Variants in OTOL1 observed in about 807,000 individuals in gnomAD.
OTOL1 encodes otolin-1.
In OTOL1, 31 loss-of-function variants were observed where a neutral mutation model predicts 25.0. That is an observed-to-expected ratio of 1.24 (90% CI 0.93 to 1.67). The LOEUF (loss-of-function observed/expected upper bound fraction) is 1.67. Among genes scored for constraint, OTOL1 ranks in the 40% most tolerant of loss-of-function variants. The probability of loss-of-function intolerance (pLI) is 0.00; values close to 1 mark genes in which losing one functional copy is unlikely to be tolerated. For missense variants in OTOL1, 654 were observed against 587.7 expected, an observed-to-expected ratio of 1.11 and a Z score of -1.17; for synonymous variants, 225 against 210.3, an observed-to-expected ratio of 1.07 and a Z score of -0.61.
chr3:161,502,518 G>A, intron 3 of OTOL1, 149 bp downstream of exon 3: 1 of 704,886 alleles, frequency 1.4e-6, no homozygotes, highest in East Asian at 2.8e-5. Flanking sequence ...CTGACTCAGT[G>A]AAGGAGAACC....
At chr3:161,497,308 A>C (rs1255939894) in intron 1 of OTOL1, 137 bp downstream of exon 1, 1 of 972,678 alleles carries the variant, frequency 1.0e-6, no homozygotes, top group African/African-American at 1.6e-5. Context: ...ACATTGTTAC[A>C]AATGTAAATG....
chr3:161,503,757 G>T lies in OTOL1; in HGVS notation c.1249G>T (p.Glu417Ter). The change falls in exon 4 of 4, where the codon GAA becomes TAA. Residue 417 changes from glutamate (E) to a stop codon, truncating the protein, a stop_gained. Coordinates refer to ENST00000327928, the MANE Select transcript of OTOL1 (RefSeq NM_001080440.1). LOFTEE classifies it high-confidence loss of function. ...GAATAAGAAGCAGTTCAAGTCCAGAGAAACTCTCTATGGTCAGGAAATAGA... is the reference window on the plus strand; with the variant it reads ...GAATAAGAAGCAGTTCAAGTCCAGATAAACTCTCTATGGTCAGGAAATAGA... ...AQNKKQFKSR[E>*]TLYGQEIDQA... 1 of 1,613,896 alleles carries T rather than the reference G, an allele frequency of 6.2e-7. No homozygotes were observed. Among genetic ancestry groups the T allele is most frequent in the Non-Finnish European group, 8.5e-7 (1 of 1,179,872 alleles).
Position 161,496,963 on chromosome 3 carries a change from A to G in OTOL1, c.156A>G (p.Pro52=). ...TAAAGCCATCCAGTGGCCCACCTCC[A>G]GAAGAAGAAGAAACCCTCTTCACAG... ...KGLKPSSGPP[P]EEEETLFTEM... is the part of the protein sequence containing the mutation. The change falls in exon 1 of 4, where the codon CCA becomes CCG. Residue 52 remains proline (P), a synonymous_variant. Coordinates refer to ENST00000327928, the MANE Select transcript of OTOL1 (RefSeq NM_001080440.1). 1 of 1,613,542 alleles carries G rather than the reference A, an allele frequency of 6.2e-7. No homozygotes were observed. Among genetic ancestry groups the G allele is most frequent in the Non-Finnish European group, 8.5e-7 (1 of 1,179,620 alleles).
rs1400920446 is a variant in OTOL1, at chr3:161,497,106, ATTG to A, written c.304_306del (p.Cys102del). 2.5e-6 allele frequency: 4 copies of A among 1,613,434 alleles called. No homozygotes were observed. The highest frequency in any genetic ancestry group is 3.4e-6 in the Non-Finnish European group (4 of 1,179,596). ...CTTGACCCAGCTGATTTCTTTTTGAATTGTTGTGATTGTTGTTCACCTGTACCC... is the reference window on the plus strand; with the variant it reads ...CTTGACCCAGCTGATTTCTTTTTGAATTGTGATTGTTGTTCACCTGTACCC... On this transcript the variant is annotated inframe_deletion, in exon 1 of 4. Transcript: ENST00000327928.
In OTOL1 at chr3:161,503,621, G is replaced by GA; in HGVS notation, c.1115dup (p.Asn372LysfsTer10). On this transcript the variant is annotated frameshift_variant, in exon 4 of 4. Transcript: ENST00000327928. LOFTEE classifies it high-confidence loss of function. ...AAAAGATTCTCTATAATGACCAAGG[G>GA]AATTACAGTCCTGTCACTGGGAAGT... The GA allele has an allele frequency of 6.2e-7, 1 of 1,613,768 alleles. No individual in the cohort carries two copies. The highest frequency in any genetic ancestry group is 8.5e-7 in the Non-Finnish European group (1 of 1,179,830).
rs1159511501 is a variant in OTOL1, at chr3:161,503,655, T to C, written c.1147T>C (p.Ser383Pro). The C allele has an allele frequency of 6.2e-7, 1 of 1,613,860 alleles. No individual in the cohort carries two copies. Among genetic ancestry groups the C allele is most frequent in the Non-Finnish European group, 8.5e-7 (1 of 1,179,848 alleles). ...TCCTGTCACTGGGAAGTTTAACTGC[T>C]CTATTCCTGGGACATATGTTTTTTC... ...YSPVTGKFNC[S>P]IPGTYVFSYH... The change falls in exon 4 of 4, where the codon TCT (serine) becomes CCT (proline). Residue 383 changes from serine (S) to proline (P), a missense_variant. Transcript: ENST00000327928.
At chr3:161,499,078 T>C (rs1358165604) in intron 1 of OTOL1, 93 bp from the exon 2 acceptor site, 4 of 923,032 alleles carry the variant, frequency 4.3e-6, no homozygotes, top group Admixed American at 4.4e-5. Context: ...TTGATACTTA[T>C]TGATTGCAGT....
At position 161,497,071 on chromosome 3, in the gene OTOL1, A is replaced by T. The variant is rs763236078; in HGVS notation, c.264A>T (p.Glu88Asp). The change falls in exon 1 of 4, where the codon GAA (glutamate) becomes GAT (aspartate). Residue 88 changes from glutamate to aspartate, a missense_variant. By Grantham distance (45) the Glu-to-Asp change is conservative. Transcript: ENST00000327928. ...GCACTGCCACTCTCTCTCCCTTTGAAAACTTCACTCTTGACCCAGCTGATT... is the reference window on the plus strand; with the variant it reads ...GCACTGCCACTCTCTCTCCCTTTGATAACTTCACTCTTGACCCAGCTGATT... ...VFGTATLSPF[E>D]NFTLDPADFF... is the part of the protein sequence containing the mutation. 2.5e-5 allele frequency: 41 copies of T among 1,613,554 alleles called. No individual in the cohort carries two copies. The East Asian group carries it at 8.5e-4, about 33-fold the overall frequency.
At chr3:161,502,572 TTC>T (rs1175189727) in intron 3 of OTOL1, among the ~76,000 whole-genome samples, 1 of 152,182 alleles carries the variant, frequency 6.6e-6, no homozygotes, top group African/African-American at 2.4e-5. Context: ...TGTGCTCTGC[TTC>T]TCTCTCTAGC....
chr3:161,500,436 G>A (rs1718947788), intron 2 of OTOL1, among the ~76,000 whole-genome samples: 2 of 152,068 alleles, frequency 1.3e-5, no homozygotes, highest in Non-Finnish European at 2.9e-5. Context: ...AATAAAATAA[G>A]GTTCTTAAGA....
At position 161,497,118 on chromosome 3, in the gene OTOL1, G is replaced by A. The variant is rs151230822; in HGVS notation, c.311G>A (p.Cys104Tyr). The A allele has an allele frequency of 6.2e-7, 1 of 1,613,392 alleles. No homozygotes were observed. Among genetic ancestry groups the A allele is most frequent in the African/African-American group, 1.3e-5 (1 of 74,864 alleles). The change falls in exon 1 of 4, where the codon TGT becomes TAT. Residue 104 changes from cysteine to tyrosine, a missense_variant. Cys to Tyr is a radical substitution (Grantham distance 194, BLOSUM62 -2). Transcript: ENST00000327928. ...GATTTCTTTTTGAATTGTTGTGATT[G>A]TTGTTCACCTGTACCCGGGCAGAAA... is the stretch of plus-strand genomic sequence containing the variant. Reference protein sequence around the residue: ...PADFFLNCCDCCSPVPGQKGE... With the variant: ...PADFFLNCCDYCSPVPGQKGE...
rs768807054 is a variant in OTOL1, at chr3:161,503,831, C to T, written c.1323C>T (p.Val441=). The T allele has an allele frequency of 1.8e-5, 29 of 1,613,802 alleles. No homozygotes were observed. The highest frequency in any genetic ancestry group is 2.2e-5 in the Non-Finnish European group (26 of 1,179,862). Reference sequence around the variant, plus strand: ...TGAAATTAAGTGCAGGAGACCAAGTCTGGCTTGAGGTGTCAAAAGATTGGA... The same window carrying T: ...TGAAATTAAGTGCAGGAGACCAAGTTTGGCTTGAGGTGTCAAAAGATTGGA... ...VILKLSAGDQ[V]WLEVSKDWNG... The change falls in exon 4 of 4, where the codon GTC becomes GTT. Residue 441 remains valine (V), a synonymous_variant. Transcript: ENST00000327928.
In OTOL1 at chr3:161,503,066, G is replaced by A. The variant is rs1326715093; in HGVS notation, c.558G>A (p.Leu186=). The change falls in exon 4 of 4, where the codon TTG becomes TTA. Residue 186 remains leucine, a synonymous_variant. Transcript: ENST00000327928. ...GPKGDKGNIG[L]GGVKGQKGSK... The stretch of plus-strand genomic sequence containing the variant: ...AGGGAGATAAAGGAAACATTGGTTT[G>A]GGAGGAGTGAAAGGACAAAAAGGCT... 1.4e-6 allele frequency: 2 copies of A among 1,386,328 alleles called. No individual in the cohort carries two copies. Among genetic ancestry groups the A allele is most frequent in the East Asian group, 2.5e-5 (1 of 39,506 alleles). 85.9% of individuals were successfully genotyped at this position (1,386,328 alleles called of 1,614,324 possible).
Position 161,500,359 on chromosome 3 carries a change from C to A in OTOL1, c.454+1099C>A, listed in dbSNP as rs150681790. ...TGTGAAATAAAGATGAGTGATGAAC[C>A]TCCCCAGTGATTCATACATTTTGGA... On this transcript the variant is annotated intron_variant, in intron 2 of 3. Transcript: ENST00000327928. Among the ~76,000 whole-genome samples the A allele has an allele frequency of 4.6e-3, 702 of 152,160 alleles. 5 individuals carry two copies. The highest frequency in any genetic ancestry group is 0.016 in the African/African-American group (647 of 41,518).
intron 1 of OTOL1, among the ~76,000 whole-genome samples, chr3:161,497,416 G>C (rs1718861669): frequency 6.6e-6 from 1 of 152,102 alleles, no homozygotes; most frequent in Non-Finnish European, 1.5e-5. Flanking sequence ...CACAGTTCAA[G>C]TGCTCAACAG....
Position 161,503,246 on chromosome 3 carries a change from T to C in OTOL1, c.738T>C (p.Asp246=). The change falls in exon 4 of 4, where the codon GAT becomes GAC. Residue 246 remains aspartate, a synonymous_variant. Transcript: ENST00000327928. ...GEMGDKGCCG[D]SGERGGKGQK... ...TGGGGGATAAGGGCTGCTGTGGAGA[T>C]TCTGGGGAGAGGGGAGGAAAAGGAC... 7.2e-7 allele frequency: 1 copy of C among 1,389,334 alleles called. No individual in the cohort carries two copies. The highest frequency in any genetic ancestry group is 9.4e-7 in the Non-Finnish European group (1 of 1,069,280). 86.1% of individuals were successfully genotyped at this position (1,389,334 alleles called of 1,614,324 possible).
At position 161,500,818 on chromosome 3, in the gene OTOL1, T is replaced by C. The variant is rs1444929211; in HGVS notation, c.455-1489T>C. Among the ~76,000 whole-genome samples the C allele has an allele frequency of 4.6e-5, 7 of 152,318 alleles. No homozygotes were observed. In the South Asian group the frequency reaches 1.2e-3, roughly 27 times the overall value. Reference sequence around the variant, plus strand: ...TTTAATTTCCAAATTTTGCATTTCATGCGGAGTGGTGTTGGGGTAGCTAGC... The same window carrying C: ...TTTAATTTCCAAATTTTGCATTTCACGCGGAGTGGTGTTGGGGTAGCTAGC... On this transcript the variant is annotated intron_variant, in intron 2 of 3. Transcript: ENST00000327928.
chr3:161,503,445 A>C lies in OTOL1; in HGVS notation c.937A>C (p.Ile313Leu), dbSNP rs1719028151. 1 of 1,613,588 alleles carries C rather than the reference A, an allele frequency of 6.2e-7. No homozygotes were observed. ...LLGPTGPKGD[I>L]GNKGVRGPTG... is the part of the protein sequence containing the mutation. ...GGGACCTACTGGGCCGAAGGGTGAC[A>C]TTGGCAACAAAGGGGTCCGAGGCCC... The change falls in exon 4 of 4, where the codon ATT becomes CTT. Residue 313 changes from isoleucine to leucine, a missense_variant. Coordinates refer to ENST00000327928, the MANE Select transcript of OTOL1 (RefSeq NM_001080440.1).
At chr3:161,500,725 G>T (rs1248505436) in intron 2 of OTOL1, among the ~76,000 whole-genome samples, 2 of 152,146 alleles carry the variant, frequency 1.3e-5, no homozygotes, top group African/African-American at 4.8e-5. Context: ...GAATACAATC[G>T]GCTCTTCCCT....
Sources: gnomAD v4.1 joint callset for allele counts (sites outside exome capture counted in the v4.1 genomes callset) on GRCh38, gnomAD v4.1.1 for gene constraint, MANE v1.5 for transcripts, NCBI Gene and HGNC (gene_info 2026-07-23, HGNC 2026-07-21) for gene names.